The following PRMT3 variants were observed in gnomAD, a reference collection of about 807,000 sequenced individuals.
PRMT3 encodes protein arginine N-methyltransferase 3.
In PRMT3, 62 loss-of-function variants were observed where a neutral mutation model predicts 71.9. The observed-to-expected ratio is 0.86, with a 90% CI of 0.70 to 1.07. PRMT3 has a LOEUF of 1.07. Ranked by LOEUF, PRMT3 falls within the 50% of genes least tolerant of loss-of-function variation. The pLI is 0.00. For synonymous variants in PRMT3, 213 were observed against 220.4 expected, an observed-to-expected ratio of 0.97 and a Z score of 0.30; for missense variants, 663 against 643.0, an observed-to-expected ratio of 1.03 and a Z score of -0.34.
In PRMT3 at chr11:20,392,227, A is replaced by C. The variant is rs557237155; in HGVS notation, c.264A>C (p.Gly88=). The change falls in exon 4 of 16, where the codon GGA becomes GGC. Residue 88 remains glycine, a synonymous_variant. Coordinates refer to ENST00000331079, the MANE Select transcript of PRMT3 (RefSeq NM_005788.4). The stretch of plus-strand genomic sequence containing the variant: ...CCCCTTTAGGACTTGAATTTTATGG[A>C]TACATTAAGCTAATAAATTTTATTA... ...MVHKHGLEFY[G]YIKLINFIRL... 1.8e-5 allele frequency: 29 copies of C among 1,568,448 alleles called. No individual in the cohort carries two copies. In the East Asian group the frequency reaches 6.6e-4, roughly 36 times the overall value.
In PRMT3 at chr11:20,404,211, G is replaced by GTTTTTTTTTTTTTTTTTTT. The variant is rs71063629; in HGVS notation, c.771+1250_771+1268dup. Among the ~76,000 whole-genome samples, 2 of 34,338 alleles carry GTTTTTTTTTTTTTTTTTTT rather than the reference G, an allele frequency of 5.8e-5. 1 individual carries two copies. The highest frequency in any genetic ancestry group is 8.4e-4 in the Admixed American group (2 of 2,372). The allele number at this position is 34,338 out of a possible 152,430, so 22.5% of individuals were successfully genotyped here. On this transcript the variant is annotated intron_variant, in intron 8 of 15. Coordinates refer to ENST00000331079, the MANE Select transcript of PRMT3 (RefSeq NM_005788.4). ...GTTACTATAGTGGAGACTTTTCATAGTTTTTTTTTTTTTTTTTTTTTTTTT... is the reference window on the plus strand; with the variant it reads ...GTTACTATAGTGGAGACTTTTCATAGTTTTTTTTTTTTTTTTTTTTTTTTTTTTTTTTTTTTTTTTTTTT...
intron 15 of PRMT3, among the ~76,000 whole-genome samples, chr11:20,505,532 C>A (rs576724758): frequency 6.6e-6 from 1 of 152,248 alleles, no homozygotes; most frequent in African/African-American, 2.4e-5. Flanking sequence ...AACCCAATAA[C>A]CAAGTTGGCA....
At position 20,387,952 on chromosome 11, in the gene PRMT3, C is replaced by T. The variant is rs564768764; in HGVS notation, c.29-67C>T. The T allele has an allele frequency of 1.2e-5, 20 of 1,607,648 alleles. No individual in the cohort carries two copies. The Admixed American group carries it at 2.5e-4, about 20-fold the overall frequency. On this transcript the variant is annotated intron_variant, in intron 1 of 15. Coordinates refer to ENST00000331079, the MANE Select transcript of PRMT3 (RefSeq NM_005788.4). This position sits in a 1 kb window ranked among gnomAD's most constrained non-coding sequence, Gnocchi z 4.3. ...GGGGCGGAGGAGAGCCCATCGTCAC[C>T]TGCTCCTCGAGCCCCCGGGCCGCAC...
intron 10 of PRMT3, among the ~76,000 whole-genome samples, chr11:20,435,733 G>T (rs1173948666): frequency 1.3e-5 from 2 of 152,100 alleles, no homozygotes; most frequent in African/African-American, 2.4e-5. Flanking sequence ...ATGCTGTTTT[G>T]GTTACTATAG....
chr11:20,504,705 TGTGAGAGA>T (rs761665980), intron 15 of PRMT3, among the ~76,000 whole-genome samples: 7 of 109,358 alleles, frequency 6.4e-5, no homozygotes, highest in Non-Finnish European at 1.1e-4. Flanking sequence ...TGTGTGTGTG[TGTGAGAGA>T]GAGAGAGAGA....
At chr11:20,391,912 G>T (rs2133295760) in intron 3 of PRMT3, among the ~76,000 whole-genome samples, 1 of 7,484 alleles carries the variant, frequency 1.3e-4, no homozygotes, top group Non-Finnish European at 1.4e-3. Flanking sequence ...GTAAAATGTG[G>T]ATCTTAATTT....
At chr11:20,391,957 G>C (rs1848724525) in intron 3 of PRMT3, among the ~76,000 whole-genome samples, 1 of 152,172 alleles carries the variant, frequency 6.6e-6, no homozygotes, top group Admixed American at 6.5e-5. Context: ...AGGAGGAGTA[G>C]AATTTTAGAA....
At chr11:20,497,976 G>A (rs534676568) in intron 15 of PRMT3, among the ~76,000 whole-genome samples, 8 of 152,190 alleles carry the variant, frequency 5.3e-5, no homozygotes, top group Middle Eastern at 3.4e-3. Flanking sequence ...AGACAAGCAT[G>A]TTGAAAAAAA....
intron 13 of PRMT3, among the ~76,000 whole-genome samples, chr11:20,480,991 A>G (rs753313337): frequency 2.0e-5 from 3 of 152,158 alleles, no homozygotes; most frequent in Non-Finnish European, 2.9e-5. Context: ...TTGTCAAGTC[A>G]TACTTGTGAC....
Position 20,508,872 on chromosome 11 carries a change from G to A in PRMT3, c.*459G>A. 2 of 180,904 alleles carry A rather than the reference G, an allele frequency of 1.1e-5. No homozygotes were observed. Among genetic ancestry groups the A allele is most frequent in the Non-Finnish European group, 2.4e-5 (2 of 83,708 alleles). 11.2% of individuals were successfully genotyped at this position (180,904 alleles called of 1,614,324 possible). On this transcript the variant is annotated 3_prime_UTR_variant, in exon 16 of 16. Coordinates refer to ENST00000331079, the MANE Select transcript of PRMT3 (RefSeq NM_005788.4). ...GAGGAGTTTTTAATTGTATTTGCTA[G>A]AAAATCAGGATGTAATAAAGATTTG...
At chr11:20,397,360 C>G (rs887370469) in intron 6 of PRMT3, among the ~76,000 whole-genome samples, 1 of 151,912 alleles carries the variant, frequency 6.6e-6, no homozygotes. Flanking sequence ...GTTGGCATTG[C>G]TTTTGTGGTT....
chr11:20,417,213 C>T (rs1404781598), intron 9 of PRMT3, among the ~76,000 whole-genome samples: 1 of 152,110 alleles, frequency 6.6e-6, no homozygotes, highest in Non-Finnish European at 1.5e-5. Flanking sequence ...CCAAAATCTC[C>T]ATGCATTTAT....
chr11:20,442,009 T>C (rs1347821235), intron 10 of PRMT3, among the ~76,000 whole-genome samples: 1 of 152,138 alleles, frequency 6.6e-6, no homozygotes, highest in Admixed American at 6.5e-5. Flanking sequence ...GCGGGGCTGG[T>C]CTTGAACTCC....
chr11:20,464,580 C>G (rs1293537348), intron 13 of PRMT3, 34 bp downstream of exon 13: 3 of 1,603,862 alleles, frequency 1.9e-6, no homozygotes, highest in South Asian at 1.1e-5. Context: ...ACAAATTTCA[C>G]TAGCAGTGCA....
At chr11:20,453,579 T>C (rs1325868172) in intron 11 of PRMT3, among the ~76,000 whole-genome samples, 1 of 152,144 alleles carries the variant, frequency 6.6e-6, no homozygotes, top group Non-Finnish European at 1.5e-5. Context: ...ATGGATTGCC[T>C]TTCTTTTTCA....
chr11:20,433,647 G>T (rs1200443546), intron 10 of PRMT3, among the ~76,000 whole-genome samples: 2 of 151,928 alleles, frequency 1.3e-5, no homozygotes, highest in South Asian at 4.2e-4. Flanking sequence ...TTAAGATAGG[G>T]TCTCACTCTG....
chr11:20,506,257 ACTAT>A (rs1239904369), intron 15 of PRMT3, among the ~76,000 whole-genome samples: 1 of 152,236 alleles, frequency 6.6e-6, no homozygotes, highest in Non-Finnish European at 1.5e-5. Flanking sequence ...AGTTTGTAGA[ACTAT>A]CTGACTGGTA....
At chr11:20,413,016 C>T (rs1849228794) in intron 9 of PRMT3, among the ~76,000 whole-genome samples, 1 of 152,140 alleles carries the variant, frequency 6.6e-6, no homozygotes, top group African/African-American at 2.4e-5. Context: ...TTCCTTATCT[C>T]CATTGAACTA....
intron 13 of PRMT3, among the ~76,000 whole-genome samples, chr11:20,466,378 G>A (rs1335319780): frequency 2.0e-5 from 3 of 152,030 alleles, no homozygotes. Flanking sequence ...AATTCCCCTA[G>A]CCCACTCCGT....
Sources: allele counts gnomAD v4.1 joint callset (sites outside exome capture counted in the v4.1 genomes callset), GRCh38; gene constraint gnomAD v4.1.1; non-coding constraint Gnocchi (gnomAD v3.1); transcripts MANE v1.5; gene names NCBI Gene and HGNC (gene_info 2026-07-23, HGNC 2026-07-21).